NOL11: variants seen among roughly 807,000 people sequenced by gnomAD.
NOL11 encodes the protein nucleolar protein 11.
A neutral mutation model predicts 93.0 loss-of-function variants in NOL11; 42 were observed. The observed-to-expected ratio is 0.45, with a 90% confidence interval of 0.35 to 0.58. The LOEUF (loss-of-function observed/expected upper bound fraction) is 0.58, where lower values mean the gene tolerates loss of function less well. NOL11 is among the 20% of genes least tolerant of loss of function. The pLI is 0.00. For missense variants in NOL11, 775 were observed against 841.8 expected, an observed-to-expected ratio of 0.92 and a Z score of 0.98; for synonymous variants, 296 against 293.7, an observed-to-expected ratio of 1.01 and a Z score of -0.08.
intron 17 of NOL11, 30 bp downstream of exon 17, chr17:67,743,616 T>A (rs1393911180): frequency 7.3e-7 from 1 of 1,370,136 alleles, no homozygotes; most frequent in African/African-American, 1.4e-5. Flanking sequence ...ATACTGATTT[T>A]ATTTGTACCC....
intron 14 of NOL11, 78 bp downstream of exon 14, chr17:67,738,433 C>G (rs1372859378): frequency 1.1e-6 from 1 of 880,250 alleles, no homozygotes; most frequent in East Asian, 2.5e-5. Flanking sequence ...CAAGGAGTAA[C>G]TCAATAATTT....
At chr17:67,740,025 C>G (rs1243224341) in intron 16 of NOL11, among the ~76,000 whole-genome samples, 1 of 152,090 alleles carries the variant, frequency 6.6e-6, no homozygotes, top group Non-Finnish European at 1.5e-5. Flanking sequence ...CACTTGAGGT[C>G]AGGAGTTTGA....
intron 7 of NOL11, among the ~76,000 whole-genome samples, chr17:67,729,815 A>G (rs992796807): frequency 6.7e-6 from 1 of 149,136 alleles, no homozygotes; most frequent in Non-Finnish European, 1.5e-5. Flanking sequence ...CCCTGACCTC[A>G]TGATCCGCCC....
chr17:67,724,062 T>G lies in NOL11; in HGVS notation c.533T>G (p.Phe178Cys). 1.9e-6 allele frequency: 3 copies of G among 1,549,008 alleles called. No individual in the cohort carries two copies. The highest frequency in any genetic ancestry group is 2.6e-6 in the Non-Finnish European group (3 of 1,153,828). The change falls in exon 6 of 18, where the codon TTT becomes TGT. Residue 178 changes from phenylalanine (F) to cysteine (C), a missense_variant. Around this residue, in one of 2 missense-constraint regions of NOL11, gnomAD observed 359 missense variants for 316.5 expected, o/e 1.13. Coordinates refer to ENST00000253247, the MANE Select transcript of NOL11 (RefSeq NM_015462.5). ...TTTTTTTTGCAGCATGGAAATTACTTTGCTTACGTGCAAATGTTTAACTCA... is the reference window on the plus strand; with the variant it reads ...TTTTTTTTGCAGCATGGAAATTACTGTGCTTACGTGCAAATGTTTAACTCA... ...IFITEKHGNY[F>C]AYVQMFNSRI...
At chr17:67,734,529 G>T in intron 8 of NOL11, 90 bp downstream of exon 8, 1 of 755,230 alleles carries the variant, frequency 1.3e-6, no homozygotes, top group South Asian at 1.6e-5. Flanking sequence ...TCACTCTGTT[G>T]CCCAGGCTGG....
At chr17:67,727,998 T>C (rs1011654561) in intron 7 of NOL11, among the ~76,000 whole-genome samples, 11 of 150,992 alleles carry the variant, frequency 7.3e-5, no homozygotes, top group East Asian at 5.8e-4. Flanking sequence ...CAGTAGCTCA[T>C]GCCTGTAATC....
intron 6 of NOL11, among the ~76,000 whole-genome samples, chr17:67,724,958 T>C (rs2055076256): frequency 3.3e-5 from 5 of 152,102 alleles, no homozygotes; most frequent in Admixed American, 2.6e-4. Flanking sequence ...CTCTGGAGGC[T>C]GAGGCAGGAG....
intron 5 of NOL11, 151 bp downstream of exon 5, chr17:67,722,788 G>C: frequency 8.9e-7 from 1 of 1,123,012 alleles, no homozygotes; most frequent in Non-Finnish European, 1.2e-6. Flanking sequence ...GGCTCAAGCA[G>C]TCCTCCCACT....
rs199980069 is a variant in NOL11 at position 67,724,053 on chromosome 17, G to A, written c.524G>A (p.Gly175Glu). Residue 175 changes from glycine to glutamate, a missense_variant, in exon 6 of 18, where the codon GGA becomes GAA. Physicochemically the swap from Gly to Glu is moderately conservative, Grantham distance 98. Coordinates refer to ENST00000253247, the MANE Select transcript of NOL11 (RefSeq NM_015462.5). ...AATAACCTTTTTTTTTTGCAGCATG[G>A]AAATTACTTTGCTTACGTGCAAATG... The part of the protein sequence containing the change: ...PVLIFITEKH[G>E]NYFAYVQMFN... 6 of 1,537,784 alleles carry A rather than the reference G, an allele frequency of 3.9e-6. No individual in the cohort carries two copies. The East Asian group carries it at 1.1e-4, about 29-fold the overall frequency.
At position 67,719,840 on chromosome 17, in the gene NOL11, CTA is replaced by C. The variant is rs1304893273; in HGVS notation, c.255+55_255+56del. ...ATACAATATAAATGTTGATTATTAACTATTTGTATTTATTATATGTAAATGGA... is the reference window on the plus strand; with the variant it reads ...ATACAATATAAATGTTGATTATTAACTTTGTATTTATTATATGTAAATGGA... On this transcript the variant is annotated intron_variant, in intron 2 of 17. Transcript: ENST00000253247. 2.0e-6 allele frequency: 3 copies of C among 1,473,504 alleles called. No individual in the cohort carries two copies. The African/African-American group carries it at 4.3e-5, about 21-fold the overall frequency. The allele number at this position is 1,473,504 out of a possible 1,614,324, so 91.3% of individuals were successfully genotyped here.
At chr17:67,732,389 G>A (rs926537479) in intron 7 of NOL11, among the ~76,000 whole-genome samples, 1 of 151,284 alleles carries the variant, frequency 6.6e-6, no homozygotes, top group Non-Finnish European at 1.5e-5. Context: ...GGGGAGCAGG[G>A]GTGAGGCAGG....
chr17:67,720,281 C>T (rs1033132553), intron 3 of NOL11: 70 of 171,520 alleles, frequency 4.1e-4, no homozygotes, highest in Non-Finnish European at 7.3e-4. Flanking sequence ...CTGCAAGTTT[C>T]GTGTATTGGT....
Position 67,739,523 on chromosome 17 carries a change from T to G in NOL11, c.1850T>G (p.Leu617Arg). The G allele has an allele frequency of 6.3e-7, 1 of 1,579,216 alleles. No homozygotes were observed. Among genetic ancestry groups the G allele is most frequent in the East Asian group, 2.3e-5 (1 of 43,806 alleles). ...ATTTTTTTTCCCACCCAGCTGTTTC[T>G]TAAGTATTTGTATTTCCTGTACCTG... ...DIPAQHITLF[L>R]KYLYFLYLKC... The change falls in exon 16 of 18, where the codon CTT (leucine) becomes CGT (arginine). Residue 617 changes from leucine (L) to arginine (R), a missense_variant. Transcript: ENST00000253247.
At chr17:67,743,628 A>C in intron 17 of NOL11, 42 bp downstream of exon 17, 2 of 1,289,058 alleles carry the variant, frequency 1.6e-6, no homozygotes, top group Admixed American at 2.0e-5. Flanking sequence ...TTTGTACCCA[A>C]GTATCACCTG....
At chr17:67,736,969 A>ATTT (rs1567804475) in intron 10 of NOL11, 102 bp from the exon 11 acceptor site, 39 of 834,310 alleles carry the variant, frequency 4.7e-5, no homozygotes, top group Non-Finnish European at 6.9e-5. Context: ...TTTTGATGAG[A>ATTT]GCAAAAGTGT....
intron 4 of NOL11, 51 bp downstream of exon 4, chr17:67,721,577 C>A: frequency 6.7e-7 from 1 of 1,485,432 alleles, no homozygotes; most frequent in Non-Finnish European, 9.3e-7. Flanking sequence ...ATGCACTGAA[C>A]ATTTTTTTGC....
intron 16 of NOL11, among the ~76,000 whole-genome samples, chr17:67,742,418 T>C (rs1457531437): frequency 6.6e-6 from 1 of 152,346 alleles, no homozygotes; most frequent in Non-Finnish European, 1.5e-5. Flanking sequence ...GTTCCTTTTA[T>C]ATTAAGGAAA....
At chr17:67,722,660 G>A (rs749617733) in intron 5 of NOL11, 23 bp downstream of exon 5, 14 of 1,529,304 alleles carry the variant, frequency 9.2e-6, no homozygotes, top group Non-Finnish European at 1.2e-5. Context: ...TTCAATTCCT[G>A]GCCCATTTTG....
chr17:67,743,652 C>G, intron 17 of NOL11, 66 bp downstream of exon 17: 1 of 1,252,620 alleles, frequency 8.0e-7, no homozygotes. Flanking sequence ...TACAATTATT[C>G]TTAAAATTTG....
Sources: allele counts gnomAD v4.1 joint callset (sites outside exome capture counted in the v4.1 genomes callset), GRCh38; gene constraint gnomAD v4.1.1; regional missense constraint gnomAD v4.1.1; transcripts MANE v1.5; gene names NCBI Gene and HGNC (gene_info 2026-07-23, HGNC 2026-07-21).